The following NKAIN3 variants were observed in gnomAD, a reference collection of about 807,000 sequenced individuals.
NKAIN3 encodes the protein sodium/potassium-transporting ATPase subunit beta-1-interacting protein 3.
NKAIN3 carries 25 observed loss-of-function variants against 30.2 expected under a neutral mutation model. The observed-to-expected ratio is 0.83, with a 90% confidence interval of 0.60 to 1.16. The LOEUF (loss-of-function observed/expected upper bound fraction) is 1.16. Among genes scored for constraint, NKAIN3 ranks in the 50% most tolerant of loss-of-function variants. The probability of loss-of-function intolerance (pLI) is 0.00; values close to 1 mark genes in which losing one functional copy is unlikely to be tolerated. For missense variants in NKAIN3, 225 were observed against 254.1 expected (o/e 0.89, Z 0.78); for synonymous variants, 91 against 89.6 (o/e 1.02, Z -0.09).
chr8:62,420,413 A>G (rs1221125203), intron 1 of NKAIN3, among the ~76,000 whole-genome samples: 2 of 152,182 alleles, frequency 1.3e-5, no homozygotes, highest in Non-Finnish European at 2.9e-5. Flanking sequence ...ATTTTTTAAA[A>G]TGTAATTGGT....
In NKAIN3 at chr8:62,855,625, A is replaced by G. The variant is rs557505785; in HGVS notation, c.472-62828A>G. The G allele has an allele frequency of 1.2e-3, 1,945 of 1,603,384 alleles. 2 individuals carry two copies. The highest frequency in any genetic ancestry group is 1.6e-3 in the Non-Finnish European group (1,886 of 1,172,956). On this transcript the variant is annotated intron_variant, in intron 4 of 6. Coordinates refer to ENST00000623646, the MANE Select transcript of NKAIN3 (RefSeq NM_001304533.3). ...CCACTGCTTGTTCAGTCTCCATCAA[A>G]TCCAAGGCCAAGGCCTCCAGGTTCC...
intron 1 of NKAIN3, among the ~76,000 whole-genome samples, chr8:62,578,524 A>T (rs958841228): frequency 2.8e-4 from 43 of 152,114 alleles, no homozygotes; most frequent in African/African-American, 1.0e-3. Context: ...TAAGTAAATG[A>T]GTAAGCTTCG....
At chr8:62,911,204 G>C (rs559844561) in intron 4 of NKAIN3, among the ~76,000 whole-genome samples, 1 of 152,160 alleles carries the variant, frequency 6.6e-6, no homozygotes, top group African/African-American at 2.4e-5. Context: ...AATAATATTC[G>C]TTGTGGCATT....
chr8:62,754,231 A>C (rs1422658043), intron 4 of NKAIN3, among the ~76,000 whole-genome samples: 1 of 152,092 alleles, frequency 6.6e-6, no homozygotes, highest in East Asian at 1.9e-4. Flanking sequence ...GTTACTATAA[A>C]ATATTTCATT....
chr8:62,861,147 G>A (rs1163230962), intron 4 of NKAIN3, among the ~76,000 whole-genome samples: 1 of 152,156 alleles, frequency 6.6e-6, no homozygotes, highest in East Asian at 1.9e-4. Context: ...GGGTTCTCAA[G>A]GCACACATGA....
chr8:62,500,152 T>G (rs1807380535), intron 1 of NKAIN3, among the ~76,000 whole-genome samples: 1 of 152,076 alleles, frequency 6.6e-6, no homozygotes, highest in Non-Finnish European at 1.5e-5. Flanking sequence ...TATTTTGCAT[T>G]CCAGCAACCT....
At chr8:62,287,791 G>A (rs186509312) in intron 1 of NKAIN3, among the ~76,000 whole-genome samples, 2 of 152,080 alleles carry the variant, frequency 1.3e-5, no homozygotes, top group African/African-American at 4.8e-5. Flanking sequence ...TCCACATTCT[G>A]ATTCTAACCT....
intron 4 of NKAIN3, among the ~76,000 whole-genome samples, chr8:62,865,269 C>T (rs1820383595): frequency 6.6e-6 from 1 of 152,198 alleles, no homozygotes; most frequent in African/African-American, 2.4e-5. Context: ...AAACGATCCT[C>T]AGCTGGCGAA....
intron 3 of NKAIN3, among the ~76,000 whole-genome samples, chr8:62,729,051 A>AAAAAAAAAAC (rs1815381968): frequency 7.0e-6 from 1 of 143,858 alleles, no homozygotes; most frequent in Non-Finnish European, 1.5e-5. Context: ...AAAAAAAAAA[A>AAAAAAAAAAC]ACCTCCTGCT....
intron 1 of NKAIN3, among the ~76,000 whole-genome samples, chr8:62,513,481 C>T (rs556420634): frequency 6.6e-6 from 1 of 152,176 alleles, no homozygotes; most frequent in South Asian, 2.1e-4. Flanking sequence ...GAAAGGCCTC[C>T]TCCAGGAAGT....
At chr8:62,477,714 T>C (rs999759363) in intron 1 of NKAIN3, among the ~76,000 whole-genome samples, 8 of 151,662 alleles carry the variant, frequency 5.3e-5, no homozygotes, top group East Asian at 1.9e-4. Flanking sequence ...AGCAGTAAAA[T>C]AGAAGTTCTA....
At chr8:62,754,407 C>A (rs541198690) in intron 4 of NKAIN3, among the ~76,000 whole-genome samples, 1 of 152,022 alleles carries the variant, frequency 6.6e-6, no homozygotes, top group South Asian at 2.1e-4. Context: ...TAAAGGAGCT[C>A]ATTTTTATAA....
At position 62,978,685 on chromosome 8, in the gene NKAIN3, T is replaced by G. The variant is rs751150805; in HGVS notation, c.*13278T>G. 2 of 152,896 alleles carry G rather than the reference T, an allele frequency of 1.3e-5. No homozygotes were observed. Among genetic ancestry groups the G allele is most frequent in the Non-Finnish European group, 2.9e-5 (2 of 68,324 alleles). 9.5% of individuals were successfully genotyped at this position (152,896 alleles called of 1,614,324 possible). ...GGTGGGATCTACTGATCAAGACCAC[T>G]TGGCTCCCTGGTTTCAGCCCCCTTT... On this transcript the variant is annotated 3_prime_UTR_variant, in exon 7 of 7. Coordinates refer to ENST00000623646, the MANE Select transcript of NKAIN3 (RefSeq NM_001304533.3).
intron 3 of NKAIN3, among the ~76,000 whole-genome samples, chr8:62,680,848 A>G (rs1163741983): frequency 6.6e-6 from 1 of 152,138 alleles, no homozygotes; most frequent in African/African-American, 2.4e-5. Flanking sequence ...TTTAATTGTA[A>G]CCAATTTTGC....
chr8:62,851,002 G>A (rs1341386472), intron 4 of NKAIN3, among the ~76,000 whole-genome samples: 1 of 151,986 alleles, frequency 6.6e-6, no homozygotes, highest in Non-Finnish European at 1.5e-5. Context: ...GAAAGTCATT[G>A]GTAGCTTGAT....
chr8:62,339,920 A>C (rs897481805), intron 1 of NKAIN3, among the ~76,000 whole-genome samples: 8 of 152,066 alleles, frequency 5.3e-5, no homozygotes, highest in Admixed American at 3.3e-4. Flanking sequence ...ATCAGAATTG[A>C]GGAGAGAAAT....
At chr8:62,895,587 G>T (rs770188485) in intron 4 of NKAIN3, among the ~76,000 whole-genome samples, 1 of 152,172 alleles carries the variant, frequency 6.6e-6, no homozygotes, top group East Asian at 1.9e-4. Flanking sequence ...TTGAGAGTCT[G>T]TTAGGAGCCT....
chr8:62,609,790 T>C (rs968251779), intron 3 of NKAIN3, among the ~76,000 whole-genome samples: 5 of 152,024 alleles, frequency 3.3e-5, no homozygotes, highest in Admixed American at 2.6e-4. Flanking sequence ...GGAACATGTT[T>C]GGCATGCACA....
intron 1 of NKAIN3, among the ~76,000 whole-genome samples, chr8:62,339,229 G>A (rs1274196674): frequency 1.3e-5 from 2 of 152,000 alleles, no homozygotes; most frequent in Non-Finnish European, 2.9e-5. Flanking sequence ...GTGAGAGATT[G>A]TCTGAGATGA....
Sources: gnomAD v4.1 joint callset for allele counts (sites outside exome capture counted in the v4.1 genomes callset) on GRCh38, gnomAD v4.1.1 for gene constraint, MANE v1.5 for transcripts, NCBI Gene and HGNC (gene_info 2026-07-23, HGNC 2026-07-21) for gene names.